The following ARHGAP24 variants were observed in gnomAD, a reference collection of about 807,000 sequenced individuals.
The protein encoded by ARHGAP24 is rho GTPase-activating protein 24.
A neutral mutation model predicts 76.4 loss-of-function variants in ARHGAP24; 50 were observed. The ratio of observed to expected loss-of-function variants is 0.65; its 90% CI spans 0.52 to 0.83. The LOEUF (loss-of-function observed/expected upper bound fraction) is 0.83. Among genes scored for constraint, ARHGAP24 ranks in the 40% least tolerant of loss-of-function variants. ARHGAP24 has a pLI of 0.00. For synonymous variants in ARHGAP24, 345 were observed against 323.3 expected (o/e 1.07, Z -0.72); for missense variants, 930 against 914.2 (o/e 1.02, Z -0.22).
intron 1 of ARHGAP24, among the ~76,000 whole-genome samples, chr4:85,522,940 T>C (rs549540866): frequency 1.4e-4 from 21 of 152,298 alleles, no homozygotes; most frequent in Non-Finnish European, 2.5e-4. Flanking sequence ...ATTCAAACAA[T>C]TCCTTTTTGT....
chr4:85,671,967 C>T lies in ARHGAP24; in HGVS notation c.181-49918C>T, dbSNP rs149281879. 4.3e-3 allele frequency among the ~76,000 whole-genome samples: 649 copies of T among 152,192 alleles called. 3 individuals are homozygous for T. Among genetic ancestry groups the T allele is most frequent in the African/African-American group, 0.014 (584 of 41,536 alleles). ...TTCACCAACCTTCAATACATTCCAT[C>T]GTTTTGGGCCCCAAGCTTTTGAGTG... On this transcript the variant is annotated intron_variant, in intron 2 of 9. Transcript: ENST00000395184.
chr4:85,588,031 T>C (rs373963456), intron 2 of ARHGAP24, among the ~76,000 whole-genome samples: 2 of 152,132 alleles, frequency 1.3e-5, no homozygotes, highest in African/African-American at 2.4e-5. Context: ...AAGACTGTCA[T>C]GCAAAGAGAA....
chr4:85,530,824 C>CA (rs1202036188), intron 1 of ARHGAP24, among the ~76,000 whole-genome samples: 1 of 151,894 alleles, frequency 6.6e-6, no homozygotes, highest in Non-Finnish European at 1.5e-5. Context: ...AAAATAAAGA[C>CA]AGAGAGTAGG....
chr4:85,654,968 A>T (rs1722086746), intron 2 of ARHGAP24, among the ~76,000 whole-genome samples: 2 of 152,256 alleles, frequency 1.3e-5, no homozygotes, highest in African/African-American at 4.8e-5. Flanking sequence ...TATATACAGA[A>T]TTAGCTACAG....
chr4:85,755,277 G>A (rs1394099998), intron 3 of ARHGAP24, among the ~76,000 whole-genome samples: 4 of 151,914 alleles, frequency 2.6e-5, no homozygotes, highest in Non-Finnish European at 2.9e-5. Context: ...TAACTAATTT[G>A]CCTACATCCT....
chr4:85,641,155 A>G (rs1721505958), intron 2 of ARHGAP24, among the ~76,000 whole-genome samples: 1 of 152,158 alleles, frequency 6.6e-6, no homozygotes, highest in Non-Finnish European at 1.5e-5. Context: ...AGAGTGCAGT[A>G]GAACAATTAT....
chr4:85,831,204 T>C (rs917752716), intron 3 of ARHGAP24, among the ~76,000 whole-genome samples: 37 of 152,334 alleles, frequency 2.4e-4, no homozygotes, highest in African/African-American at 8.9e-4. Flanking sequence ...AAAACACTGA[T>C]GACCAATACA....
chr4:85,606,423 G>C (rs919559399), intron 2 of ARHGAP24, among the ~76,000 whole-genome samples: 7 of 151,814 alleles, frequency 4.6e-5, no homozygotes. Context: ...TGAGGCAGGA[G>C]AATGGCGTGA....
intron 3 of ARHGAP24, among the ~76,000 whole-genome samples, chr4:85,797,156 T>G (rs1728382224): frequency 1.6e-5 from 2 of 123,548 alleles, no homozygotes; most frequent in Admixed American, 7.2e-5. Context: ...AAAAAAATTT[T>G]TTTTGTTTTT....
In ARHGAP24 at chr4:85,634,652, G is replaced by A. The variant is rs568656895; in HGVS notation, c.180+63931G>A. Among the ~76,000 whole-genome samples the A allele has an allele frequency of 2.6e-5, 4 of 151,838 alleles. No homozygotes were observed. The South Asian group carries it at 6.2e-4, about 24-fold the overall frequency. On this transcript the variant is annotated intron_variant, in intron 2 of 9. Transcript: ENST00000395184. ...ATCCAGCAGTGTTGGATTGGACCTCGGTTCCTAAGGTACTGCCATCTTTGA... is the reference window on the plus strand; with the variant it reads ...ATCCAGCAGTGTTGGATTGGACCTCAGTTCCTAAGGTACTGCCATCTTTGA...
At position 85,660,306 on chromosome 4, in the gene ARHGAP24, G is replaced by A. The variant is rs1722329528; in HGVS notation, c.181-61579G>A. 2.0e-5 allele frequency among the ~76,000 whole-genome samples: 3 copies of A among 151,988 alleles called. No homozygotes were observed. In the South Asian group the frequency reaches 6.2e-4, roughly 32 times the overall value. On this transcript the variant is annotated intron_variant, in intron 2 of 9. Transcript: ENST00000395184. ...TAGTTAATATTGACCAATATTTCTT[G>A]GATTTTATTTCCAAAATGACTTTCT...
chr4:85,671,253 T>A (rs1255603922), intron 2 of ARHGAP24, among the ~76,000 whole-genome samples: 1 of 152,176 alleles, frequency 6.6e-6, no homozygotes. Context: ...GCAAAAAGCC[T>A]GACTATCTTT....
At chr4:85,836,983 G>GA (rs1730326671) in intron 3 of ARHGAP24, among the ~76,000 whole-genome samples, 1 of 152,004 alleles carries the variant, frequency 6.6e-6, no homozygotes, top group African/African-American at 2.4e-5. Context: ...AAAGGAGGGG[G>GA]AAAAAGGACT....
At chr4:85,903,055 A>G (rs1433632637) in intron 3 of ARHGAP24, among the ~76,000 whole-genome samples, 1 of 152,230 alleles carries the variant, frequency 6.6e-6, no homozygotes, top group Non-Finnish European at 1.5e-5. Flanking sequence ...ATTTTTATGT[A>G]TATTTTAAGA....
intron 1 of ARHGAP24, among the ~76,000 whole-genome samples, chr4:85,521,150 C>T (rs754964008): frequency 6.6e-6 from 1 of 152,062 alleles, no homozygotes; most frequent in African/African-American, 2.4e-5. Flanking sequence ...GTTAAATGGT[C>T]TTTTTCCCAA....
chr4:85,688,061 C>A (rs1447209009), intron 2 of ARHGAP24, among the ~76,000 whole-genome samples: 1 of 152,148 alleles, frequency 6.6e-6, no homozygotes, highest in African/African-American at 2.4e-5. Context: ...AATCCGCCCG[C>A]CTTGGCCTCC....
At chr4:85,919,684 G>A (rs893870427) in intron 3 of ARHGAP24, among the ~76,000 whole-genome samples, 2 of 152,132 alleles carry the variant, frequency 1.3e-5, no homozygotes, top group African/African-American at 4.8e-5. Context: ...ATAATGGCCA[G>A]TTGTGCATAT....
intron 1 of ARHGAP24, among the ~76,000 whole-genome samples, chr4:85,532,874 G>C (rs937413697): frequency 6.6e-6 from 1 of 151,358 alleles, no homozygotes; most frequent in African/African-American, 2.5e-5. Context: ...AAGCTTCTGA[G>C]TTCCTTAGTT....
intron 3 of ARHGAP24, among the ~76,000 whole-genome samples, chr4:85,837,684 T>G (rs971456046): frequency 6.6e-6 from 1 of 152,020 alleles, no homozygotes; most frequent in African/African-American, 2.4e-5. Context: ...TTCACAGAAG[T>G]AAAATATGCT....
Sources: allele counts gnomAD v4.1 joint callset (sites outside exome capture counted in the v4.1 genomes callset), GRCh38; gene constraint gnomAD v4.1.1; transcripts MANE v1.5; gene names NCBI Gene and HGNC (gene_info 2026-07-23, HGNC 2026-07-21).